The following WASL variants were observed in gnomAD, a reference collection of about 807,000 sequenced individuals.
The protein encoded by WASL is actin nucleation-promoting factor WASL.
In WASL, 20 loss-of-function variants were observed where a neutral mutation model predicts 55.5. That is an observed-to-expected ratio of 0.36 (90% CI 0.25 to 0.52). The LOEUF is 0.52. WASL is among the 20% of genes least tolerant of loss of function. WASL has a pLI of 0.92. For synonymous variants in WASL, 249 were observed against 217.6 expected (o/e 1.14, Z -1.27); for missense variants, 504 against 622.5 (o/e 0.81, Z 2.03).
intron 10 of WASL, among the ~76,000 whole-genome samples, chr7:123,686,076 A>ACC (rs1803283181): frequency 6.6e-6 from 1 of 151,308 alleles, no homozygotes; most frequent in Non-Finnish European, 1.5e-5. Flanking sequence ...GTGTGAAGGT[A>ACC]GTATTTGAAG....
At chr7:123,686,859 AAAG>A (rs1378483592) in intron 10 of WASL, among the ~76,000 whole-genome samples, 2 of 152,162 alleles carry the variant, frequency 1.3e-5, no homozygotes, top group African/African-American at 2.4e-5. Flanking sequence ...TTTTTATGCT[AAAG>A]AAGACTATAC....
chr7:123,702,586 C>A (rs976990261), intron 5 of WASL, among the ~76,000 whole-genome samples: 1 of 152,202 alleles, frequency 6.6e-6, no homozygotes, highest in African/African-American at 2.4e-5. Flanking sequence ...ATGGGTCCAT[C>A]TGTTCTGAAC....
chr7:123,696,503 T>C, intron 6 of WASL, 76 bp downstream of exon 6: 1 of 1,381,850 alleles, frequency 7.2e-7, no homozygotes, highest in South Asian at 2.1e-5. Flanking sequence ...AAGAAAATTT[T>C]CTAACAAGTT....
At chr7:123,713,521 T>C (rs962304683) in intron 1 of WASL, among the ~76,000 whole-genome samples, 2 of 152,126 alleles carry the variant, frequency 1.3e-5, no homozygotes, top group African/African-American at 4.8e-5. Context: ...CTTAACAAAA[T>C]AAAGTCTTTT....
chr7:123,748,488 C>G, intron 1 of WASL, 130 bp downstream of exon 1: 1 of 877,458 alleles, frequency 1.1e-6, no homozygotes, highest in Non-Finnish European at 1.6e-6. Flanking sequence ...GGGGCCGGGG[C>G]CGGGGCCGGG....
At chr7:123,715,824 C>A (rs939084899) in intron 1 of WASL, among the ~76,000 whole-genome samples, 1 of 152,144 alleles carries the variant, frequency 6.6e-6, no homozygotes, top group African/African-American at 2.4e-5. Context: ...TTTAGCATTA[C>A]CAGTAAACAA....
intron 1 of WASL, among the ~76,000 whole-genome samples, chr7:123,729,062 C>G (rs1345003703): frequency 1.3e-5 from 2 of 151,974 alleles, no homozygotes; most frequent in Non-Finnish European, 2.9e-5. Context: ...TTTGCACTGT[C>G]GTCATTATTA....
intron 1 of WASL, among the ~76,000 whole-genome samples, chr7:123,716,053 T>C (rs1367312084): frequency 3.3e-5 from 5 of 152,162 alleles, no homozygotes; most frequent in Admixed American, 6.6e-5. Flanking sequence ...GTGGATCTAC[T>C]TAAAAGGAGT....
intron 8 of WASL, 82 bp from the exon 9 acceptor site, chr7:123,692,949 T>C (rs1327391716): frequency 2.3e-6 from 3 of 1,306,664 alleles, no homozygotes; most frequent in East Asian, 5.6e-5. Flanking sequence ...TTTTAACATG[T>C]ATAAAAATTG....
intron 1 of WASL, among the ~76,000 whole-genome samples, chr7:123,747,573 T>C (rs965813880): frequency 1.3e-4 from 20 of 151,906 alleles, no homozygotes; most frequent in African/African-American, 4.8e-4. Context: ...CTTAAAGGAG[T>C]TATAAAATGG....
In WASL at chr7:123,748,627, C is replaced by G; in HGVS notation, c.108G>C (p.Lys36Asn). ...ENESLFTFLG[K>N]KCVTMSSAVV... ...GGTCTCGTCCACTGACCACACATTT[C>G]TTGCCGAGGAAAGTGAAGAGGGACT... Residue 36 changes from lysine to asparagine, a missense_variant, in exon 1 of 11, where the codon AAG (lysine) becomes AAC (asparagine). By Grantham distance (94) the Lys-to-Asn change is moderately conservative. Transcript: ENST00000223023. 2 of 1,613,622 alleles carry G rather than the reference C, an allele frequency of 1.2e-6. No individual in the cohort carries two copies. Among genetic ancestry groups the G allele is most frequent in the Non-Finnish European group, 1.7e-6 (2 of 1,179,788 alleles).
intron 1 of WASL, among the ~76,000 whole-genome samples, chr7:123,722,945 C>G (rs1336831586): frequency 6.6e-6 from 1 of 152,130 alleles, no homozygotes; most frequent in African/African-American, 2.4e-5. Flanking sequence ...TCAGGAATGT[C>G]CCAGGGAAGA....
At chr7:123,706,480 A>T in intron 3 of WASL, 107 bp from the exon 4 acceptor site, 1 of 1,049,374 alleles carries the variant, frequency 9.5e-7, no homozygotes, top group Non-Finnish European at 1.4e-6. Flanking sequence ...CGAAAGGTTA[A>T]TTTTACTAGC....
At chr7:123,690,831 G>C (rs1803397239) in intron 9 of WASL, among the ~76,000 whole-genome samples, 1 of 152,162 alleles carries the variant, frequency 6.6e-6, no homozygotes, top group Non-Finnish European at 1.5e-5. Context: ...GGTTAGGAGT[G>C]AGAGTTACGG....
intron 5 of WASL, among the ~76,000 whole-genome samples, chr7:123,700,182 A>C (rs1803559497): frequency 2.2e-5 from 1 of 46,244 alleles, no homozygotes; most frequent in East Asian, 8.6e-4. Flanking sequence ...TCTCAAAAAA[A>C]AAAAAAAAAA....
chr7:123,747,848 A>G (rs918494047), intron 1 of WASL, among the ~76,000 whole-genome samples: 4 of 152,114 alleles, frequency 2.6e-5, no homozygotes, highest in Non-Finnish European at 5.9e-5. Context: ...CCAACCGGCC[A>G]TCTGGGGTTG....
At chr7:123,733,913 CAAA>C (rs33913069) in intron 1 of WASL, among the ~76,000 whole-genome samples, 3,227 of 110,788 alleles carry the variant, frequency 0.029, 37 homozygotes, top group Non-Finnish European at 0.041. Context: ...ATCCACGTGC[CAAA>C]AAAAAAAAAA....
At chr7:123,693,664 T>C (rs372823414) in intron 8 of WASL, among the ~76,000 whole-genome samples, 107 of 152,276 alleles carry the variant, frequency 7.0e-4, no homozygotes, top group African/African-American at 2.5e-3. Context: ...AAATGTAAGA[T>C]ATAACAGAAA....
At chr7:123,717,920 A>T (rs1215088868) in intron 1 of WASL, among the ~76,000 whole-genome samples, 1 of 152,232 alleles carries the variant, frequency 6.6e-6, no homozygotes, top group Non-Finnish European at 1.5e-5. Flanking sequence ...AACTTTATTT[A>T]TAAAAACAAG....
Sources: gnomAD v4.1 joint callset for allele counts (sites outside exome capture counted in the v4.1 genomes callset) on GRCh38, gnomAD v4.1.1 for gene constraint, MANE v1.5 for transcripts, NCBI Gene and HGNC (gene_info 2026-07-23, HGNC 2026-07-21) for gene names.